Variants in HELZ2 observed in about 807,000 individuals in gnomAD.
HELZ2 encodes helicase with zinc finger 2.
In HELZ2, 143 loss-of-function variants were observed where a neutral mutation model predicts 208.8. That is an observed-to-expected ratio of 0.68 (90% CI 0.60 to 0.79). The LOEUF (loss-of-function observed/expected upper bound fraction) is 0.79. Ranked by LOEUF, HELZ2 falls within the 30% of genes least tolerant of loss-of-function variation. The pLI, the probability that HELZ2 is intolerant of heterozygous loss-of-function variation, is 0.00. For missense variants in HELZ2, 3,690 were observed against 3,794.5 expected, an observed-to-expected ratio of 0.97 and a Z score of 0.72; for synonymous variants, 1,705 against 1,693.7, an observed-to-expected ratio of 1.01 and a Z score of -0.16.
In HELZ2 at chr20:63,569,309, G is replaced by A. The variant is rs202046625; in HGVS notation, c.927C>T (p.Ala309=). The A allele has an allele frequency of 7.4e-5, 117 of 1,581,678 alleles. No homozygotes were observed. The African/African-American group carries it at 1.2e-3, about 16-fold the overall frequency. ...ACTTGGCCATCAGGGCCGTCTGCTC[G>A]GCCGTCCGCTCCACGCCAGGCACCA... Residue 309 remains alanine (A), a synonymous_variant, in exon 4 of 19, where the codon GCC becomes GCT. Transcript: ENST00000467148.
chr20:63,567,160 C>G (rs767184266), exon 6 of HELZ2: 4 of 1,609,670 alleles, frequency 2.5e-6, no homozygotes, highest in South Asian at 2.2e-5. Context: ...GCGGCTCTGC[C>G]GCGCCACCTC....
rs1384934538 is a variant in HELZ2, at chr20:63,567,428, C to CCACG, written c.1926_1929dup (p.Val644ArgfsTer11). The stretch of plus-strand genomic sequence containing the variant: ...CGGGCCTGGGAGGTGGTGGTGACCA[C>CCACG]CACGCGGTGCCGCGCCAGCTCTGCC... On this transcript the variant is annotated frameshift_variant, in exon 6 of 19. Coordinates refer to ENST00000467148, the Ensembl canonical transcript of HELZ2. LOFTEE classifies it high-confidence loss of function. 1.9e-6 allele frequency: 3 copies of CCACG among 1,565,440 alleles called. No homozygotes were observed. Among genetic ancestry groups the CCACG allele is most frequent in the Non-Finnish European group, 2.6e-6 (3 of 1,155,604 alleles).
chr20:63,561,021 C>T (rs3810480), intron 14 of HELZ2, 61 bp downstream of exon 15: 238,799 of 1,595,534 alleles, frequency 0.15, 19,456 homozygotes, highest in Non-Finnish European at 0.17. Context: ...ACAGGGCACC[C>T]CAGGTGGGAG....
chr20:63,567,300 G>A (rs757893105), exon 6 of HELZ2: 35 of 1,609,810 alleles, frequency 2.2e-5, no homozygotes, highest in Middle Eastern at 1.6e-4. Context: ...GGCGGGTGCC[G>A]TGCGAGGCAT....
At position 63,565,947 on chromosome 20, in the gene HELZ2, G is replaced by A. The variant is rs115857322; in HGVS notation, c.2875C>T (p.Arg959Trp). 204 of 1,598,886 alleles carry A rather than the reference G, an allele frequency of 1.3e-4. No homozygotes were observed. In the East Asian group the frequency reaches 2.4e-3, roughly 19 times the overall value. The change falls in exon 8 of 19, where the codon CGG becomes TGG. Residue 959 changes from arginine to tryptophan, a missense_variant. Coordinates refer to ENST00000467148, the Ensembl canonical transcript of HELZ2. ...TGTGTGCCTCGGGGAGGCCAGCGCC[G>A]TCTCTGCGCCACACCCTGCTCGACC... is the stretch of plus-strand genomic sequence containing the variant.
At chr20:63,563,663 T>A in exon 8 of HELZ2, 1 of 1,565,610 alleles carries the variant, frequency 6.4e-7, no homozygotes, top group Non-Finnish European at 8.6e-7. Context: ...CCGCCGCTGA[T>A]AGCTCTGGGC....
exon 10 of HELZ2, chr20:63,562,082 C>G: frequency 1.2e-6 from 2 of 1,610,986 alleles, no homozygotes; most frequent in East Asian, 2.2e-5. Context: ...CTGGTGGGCC[C>G]TGAATGACCG....
At chr20:63,563,097 A>C in exon 8 of HELZ2, 1 of 1,597,408 alleles carries the variant, frequency 6.3e-7, no homozygotes, top group Non-Finnish European at 8.5e-7. Context: ...CAGAGGCTGA[A>C]GCCCGGTGCC....
chr20:63,562,474 C>T, intron 8 of HELZ2, 46 bp downstream of exon 9: 1 of 1,528,044 alleles, frequency 6.5e-7, no homozygotes, highest in Non-Finnish European at 8.8e-7. Flanking sequence ...AGTGAGGGGC[C>T]CGGGGCGGTC....
intron 18 of HELZ2, among the ~76,000 whole-genome samples, chr20:63,559,593 G>A (rs747633537): frequency 9.7e-5 from 7 of 72,296 alleles, no homozygotes; most frequent in Admixed American, 2.3e-4. Flanking sequence ...TCAGGGTCAG[G>A]TGGGAGGAGT....
Position 63,566,365 on chromosome 20 carries a change from G to T in HELZ2, c.2590+13C>A, listed in dbSNP as rs370419412. ...GGGGCAGCTGGCAGCACCTGGCCCC[G>T]CTGGTCACCCACCTGGCAGGATCTC... On this transcript the variant is annotated intron_variant, in intron 7 of 18. Coordinates refer to ENST00000467148, the Ensembl canonical transcript of HELZ2. The T allele has an allele frequency of 4.0e-5, 62 of 1,547,046 alleles. No individual in the cohort carries two copies. In the African/African-American group the frequency reaches 7.3e-4, roughly 18 times the overall value.
chr20:63,569,711 A>T (rs769682917), intron 3 of HELZ2, 46 bp from the exon 5 acceptor site: 12 of 1,457,070 alleles, frequency 8.2e-6, no homozygotes, highest in African/African-American at 2.9e-5. Context: ...GCTCCCCCCA[A>T]CCCTCCCGAG....
exon 8 of HELZ2, chr20:63,565,920 C>T: frequency 6.3e-7 from 1 of 1,598,470 alleles, no homozygotes; most frequent in Non-Finnish European, 8.5e-7. Flanking sequence ...GCTGCCCCAG[C>T]CTGTGTGCCT....
chr20:63,569,591 C>T (rs563465944), exon 4 of HELZ2: 19 of 1,567,244 alleles, frequency 1.2e-5, no homozygotes, highest in South Asian at 4.6e-5. Context: ...GCCGGCCTGG[C>T]GGGAGGCCGG....
chr20:63,561,821 A>G lies in HELZ2; in HGVS notation c.6691+2T>C. ...AGGCCCCCACCGCCGACCCCGGCGC[A>G]CCTGCCAGGACATCCACCGACTTGT... On this transcript the variant is annotated splice_donor_variant, in intron 11 of 18. Coordinates refer to ENST00000467148, the Ensembl canonical transcript of HELZ2. LOFTEE classifies it high-confidence loss of function. The G allele has an allele frequency of 1.3e-6, 2 of 1,554,556 alleles. No homozygotes were observed. Among genetic ancestry groups the G allele is most frequent in the Non-Finnish European group, 1.7e-6 (2 of 1,148,254 alleles).
At chr20:63,570,647 A>AGGCC in intron 2 of HELZ2, 36 bp from the exon 4 acceptor site, 415 of 1,495,704 alleles carry the variant, frequency 2.8e-4, no homozygotes, top group Non-Finnish European at 3.5e-4. Flanking sequence ...AGAGGCCTGG[A>AGGCC]CCCCACCCCA....
exon 8 of HELZ2, chr20:63,563,823 A>G: frequency 6.3e-7 from 1 of 1,599,936 alleles, no homozygotes; most frequent in Non-Finnish European, 8.5e-7. Flanking sequence ...CACGTGTACC[A>G]GTCCACCTGC....
exon 8 of HELZ2, chr20:63,564,147 G>T: frequency 6.2e-7 from 1 of 1,611,768 alleles, no homozygotes; most frequent in Non-Finnish European, 8.5e-7. Flanking sequence ...TGCTGGCTGC[G>T]GGGTGCTGGC....
chr20:63,560,781 TG>T lies in HELZ2; in HGVS notation c.7281+13del. The T allele has an allele frequency of 6.2e-7, 1 of 1,606,976 alleles. No homozygotes were observed. On this transcript the variant is annotated intron_variant, in intron 15 of 18. Transcript: ENST00000467148. ...GGCTGCAGGTGGGCTGGGGGCTGAG[TG>T]GGGCGGGCTCACCATGCGGTACTGA...
Sources: gnomAD v4.1 joint callset for allele counts (sites outside exome capture counted in the v4.1 genomes callset) on GRCh38, gnomAD v4.1.1 for gene constraint, MANE v1.5 for transcripts, NCBI Gene and HGNC (gene_info 2026-07-23, HGNC 2026-07-21) for gene names.